The following CRB1 variants were observed in gnomAD, a reference collection of about 807,000 sequenced individuals.
The protein encoded by CRB1 is crumbs cell polarity complex component 1.
Under a neutral mutation model 120.0 loss-of-function variants are expected in CRB1, and 83 were observed. The ratio of observed to expected loss-of-function variants is 0.69; its 90% CI spans 0.58 to 0.83. The LOEUF (loss-of-function observed/expected upper bound fraction) is 0.83, where lower values mean the gene tolerates loss of function less well. Ranked by LOEUF, CRB1 falls within the 40% of genes least tolerant of loss-of-function variation. The pLI, the probability that CRB1 is intolerant of heterozygous loss-of-function variation, is 0.00. For missense variants in CRB1, 1,699 were observed against 1,687.6 expected (o/e 1.01, Z -0.12); for synonymous variants, 625 against 612.5 (o/e 1.02, Z -0.30).
chr1:197,254,410 T>C, the CRB1 span, among the ~76,000 whole-genome samples: 6 of 152,228 alleles, frequency 3.9e-5, no homozygotes, highest in South Asian at 1.2e-3. Context: ...AATGTTGATG[T>C]CACTGATGAC....
intron 8 of CRB1, among the ~76,000 whole-genome samples, chr1:197,432,050 G>A (rs942050): frequency 0.92 from 140,467 of 152,068 alleles, 65,915 homozygotes; most frequent in Non-Finnish European, 1. Flanking sequence ...TCTCTGTATC[G>A]TACCAAGATT....
At chr1:197,219,183 C>T in the CRB1 span, among the ~76,000 whole-genome samples, 4 of 152,144 alleles carry the variant, frequency 2.6e-5, no homozygotes, top group Non-Finnish European at 5.9e-5. Context: ...AGAATTCAAC[C>T]TTGGATAATG....
the CRB1 span, among the ~76,000 whole-genome samples, chr1:197,230,044 T>C: frequency 2.0e-5 from 3 of 152,226 alleles, no homozygotes; most frequent in Non-Finnish European, 2.9e-5. Flanking sequence ...GTGCATTATA[T>C]GTATTAAGTC....
chr1:197,422,057 T>C, intron 6 of CRB1, 101 bp downstream of exon 6: 2 of 1,099,580 alleles, frequency 1.8e-6, no homozygotes, highest in East Asian at 2.4e-5. Flanking sequence ...TGAAACATAA[T>C]GACCCCACAA....
chr1:197,423,551 G>C (rs1053206607), intron 6 of CRB1, among the ~76,000 whole-genome samples: 18 of 152,016 alleles, frequency 1.2e-4, no homozygotes, highest in African/African-American at 3.6e-4. Context: ...AAAATATTCT[G>C]TATTTTCTGT....
At chr1:197,217,845 G>A in the CRB1 span, among the ~76,000 whole-genome samples, 7 of 152,098 alleles carry the variant, frequency 4.6e-5, no homozygotes, top group Non-Finnish European at 8.8e-5. Flanking sequence ...CAGTATAAGA[G>A]ACTGTAACAA....
chr1:197,399,819 G>A lies in CRB1; in HGVS notation c.1172-21181G>A, dbSNP rs144948895. 1.2e-4 allele frequency among the ~76,000 whole-genome samples: 19 copies of A among 152,232 alleles called. No individual in the cohort carries two copies. In the East Asian group the frequency reaches 1.7e-3, roughly 14 times the overall value. On this transcript the variant is annotated intron_variant, in intron 5 of 11. Transcript: ENST00000367400. ...AATTCCTTCAGGGTGGTTAGACTGA[G>A]GATCTCAGTTTCTTGGTGGCAGTGA... is the stretch of plus-strand genomic sequence containing the variant.
At chr1:197,459,027 GA>G (rs1275000292) in intron 11 of CRB1, among the ~76,000 whole-genome samples, 1 of 151,968 alleles carries the variant, frequency 6.6e-6, no homozygotes, top group African/African-American at 2.4e-5. Context: ...ATTCAAGAGA[GA>G]AAAATGTCGC....
chr1:197,469,952 G>A (rs1666909779), intron 11 of CRB1, among the ~76,000 whole-genome samples: 2 of 152,068 alleles, frequency 1.3e-5, no homozygotes. Context: ...TCCCTTATCT[G>A]CCACTCCAAT....
intron 2 of CRB1, among the ~76,000 whole-genome samples, chr1:197,335,178 T>C (rs1659082288): frequency 6.6e-6 from 1 of 152,108 alleles, no homozygotes; most frequent in Non-Finnish European, 1.5e-5. Flanking sequence ...ATAAAGTTAG[T>C]GTGACTGGAG....
chr1:197,291,351 T>C (rs1439474008), intron 1 of CRB1, among the ~76,000 whole-genome samples: 1 of 151,856 alleles, frequency 6.6e-6, no homozygotes, highest in African/African-American at 2.4e-5. Flanking sequence ...TTTGCAAGTA[T>C]TTTATTTTAG....
chr1:197,397,842 T>C (rs954363239), intron 5 of CRB1, among the ~76,000 whole-genome samples: 2 of 152,136 alleles, frequency 1.3e-5, no homozygotes, highest in African/African-American at 4.8e-5. Context: ...CATTGAGAAC[T>C]GTTTTGGAGG....
chr1:197,442,604 ACTTT>A, intron 11 of CRB1: 1 of 1,270,808 alleles, frequency 7.9e-7, no homozygotes, highest in Non-Finnish European at 1.0e-6. Context: ...TCCTATTCTA[ACTTT>A]AAATATGAAA....
At chr1:197,391,315 T>A (rs1662494867) in intron 5 of CRB1, among the ~76,000 whole-genome samples, 1 of 152,150 alleles carries the variant, frequency 6.6e-6, no homozygotes, top group Non-Finnish European at 1.5e-5. Flanking sequence ...TAACCATTGA[T>A]CCCACAGGCT....
intron 5 of CRB1, among the ~76,000 whole-genome samples, chr1:197,375,547 T>A (rs1661598773): frequency 6.6e-6 from 1 of 152,132 alleles, no homozygotes; most frequent in African/African-American, 2.4e-5. Flanking sequence ...ATTGCAGTGA[T>A]CCTCAGTGCC....
chr1:197,373,807 C>T (rs554303569), intron 5 of CRB1, among the ~76,000 whole-genome samples: 13 of 152,214 alleles, frequency 8.5e-5, no homozygotes, highest in African/African-American at 2.6e-4. Flanking sequence ...TTACTACTGG[C>T]CCATTGCTAG....
At chr1:197,343,871 C>G (rs1024530491) in intron 2 of CRB1, among the ~76,000 whole-genome samples, 7 of 152,194 alleles carry the variant, frequency 4.6e-5, no homozygotes, top group Non-Finnish European at 1.0e-4. Flanking sequence ...GTGCCAGGAT[C>G]CCGACCCAAC....
chr1:197,334,805 C>T (rs1437513601), intron 2 of CRB1, among the ~76,000 whole-genome samples: 7 of 152,086 alleles, frequency 4.6e-5, no homozygotes, highest in African/African-American at 1.7e-4. Flanking sequence ...TTGAGTACCT[C>T]AATGAATTGG....
chr1:197,461,354 C>T (rs569803322), intron 11 of CRB1, among the ~76,000 whole-genome samples: 6 of 152,054 alleles, frequency 3.9e-5, no homozygotes, highest in Admixed American at 1.3e-4. Context: ...GAGGACAGGC[C>T]GTGGCTGGGG....
Sources: allele counts gnomAD v4.1 joint callset (sites outside exome capture counted in the v4.1 genomes callset), GRCh38; gene constraint gnomAD v4.1.1; transcripts MANE v1.5; gene names NCBI Gene and HGNC (gene_info 2026-07-23, HGNC 2026-07-21).